The following CHD6 variants were observed in gnomAD, a reference collection of about 807,000 sequenced individuals.
CHD6 encodes the protein chromodomain helicase DNA binding protein 6, also known as ATP-dependent chromatin remodeler CHD6.
In CHD6, 50 loss-of-function variants were observed where a neutral mutation model predicts 276.9. That is an observed-to-expected ratio of 0.18 (90% confidence interval 0.14 to 0.23). The LOEUF (loss-of-function observed/expected upper bound fraction) is 0.23, where lower values mean the gene tolerates loss of function less well. CHD6 is among the 10% of genes least tolerant of loss of function. CHD6 has a pLI of 1.00. For missense variants in CHD6, 2,564 were observed against 3,365.8 expected (o/e 0.76, Z 5.89); for synonymous variants, 1,173 against 1,229.3 (o/e 0.95, Z 0.96).
At chr20:41,460,208 T>C (rs1034646135) in intron 17 of CHD6, among the ~76,000 whole-genome samples, 2 of 152,244 alleles carry the variant, frequency 1.3e-5, no homozygotes, top group Non-Finnish European at 2.9e-5. Flanking sequence ...TTAGGTTCTG[T>C]TAAAAACATT....
At chr20:41,590,001 G>A (rs199938825) in intron 1 of CHD6, among the ~76,000 whole-genome samples, 9 of 148 alleles carry the variant, frequency 0.061, no homozygotes, top group Admixed American at 0.25. Context: ...AGCATGGTAC[G>A]GGTACAAAAC....
Position 41,452,767 on chromosome 20 carries a change from C to T in CHD6, c.3296G>A (p.Arg1099Gln), listed in dbSNP as rs1465002801. The T allele has an allele frequency of 1.9e-6, 3 of 1,613,206 alleles. No individual in the cohort carries two copies. The highest frequency in any genetic ancestry group is 1.1e-5 in the South Asian group (1 of 91,000). ...ARRYLRAECFRVEKNLLIFGW... is the reference protein window; with the variant it reads ...ARRYLRAECFQVEKNLLIFGW... ...AAAGATGAGCAGGTTCTTCTCTACC[C>T]GGAAGCACTCCGCTCGGAGGTAGCG... Residue 1099 changes from arginine to glutamine, a missense_variant, in exon 21 of 37, where the codon CGG becomes CAG. By Grantham distance (43) the Arg-to-Gln change is conservative (BLOSUM62 1). Transcript: ENST00000373233. This position sits in a 1 kb window ranked among gnomAD's most constrained non-coding sequence, Gnocchi z 4.2.
At chr20:41,589,146 G>A (rs1238379277) in intron 1 of CHD6, among the ~76,000 whole-genome samples, 1 of 152,160 alleles carries the variant, frequency 6.6e-6, no homozygotes, top group South Asian at 2.1e-4. Context: ...ATGCAGAAAA[G>A]GTCTTCGACA....
At chr20:41,591,018 T>C (rs1260382265) in intron 1 of CHD6, among the ~76,000 whole-genome samples, 2 of 151,718 alleles carry the variant, frequency 1.3e-5, no homozygotes, top group Non-Finnish European at 2.9e-5. Flanking sequence ...CACCATGGAA[T>C]ACTATGCAGC....
At chr20:41,447,797 AGC>A in intron 24 of CHD6, 83 bp downstream of exon 24, 1 of 930,614 alleles carries the variant, frequency 1.1e-6, no homozygotes, top group Non-Finnish European at 1.7e-6. Flanking sequence ...GGCCTCTTTA[AGC>A]ACAGGCAAGT....
chr20:41,579,643 T>C lies in CHD6; in HGVS notation c.-23-28283A>G, dbSNP rs369599937. On this transcript the variant is annotated intron_variant, in intron 1 of 36. Coordinates refer to ENST00000373233, the MANE Select transcript of CHD6 (RefSeq NM_032221.5). ...TACCTCCTTGTCAGCAGAAATTCTC[T>C]GCACATTCCTATGGAGGTGTGCTTT... Among the ~76,000 whole-genome samples, 221 of 152,248 alleles carry C rather than the reference T, an allele frequency of 1.5e-3. 1 individual carries two copies. In the Middle Eastern group the frequency reaches 0.02, roughly 14 times the overall value.
chr20:41,591,405 CACAT>C (rs1213337049), intron 1 of CHD6, among the ~76,000 whole-genome samples: 1 of 124,904 alleles, frequency 8.0e-6, no homozygotes, highest in Non-Finnish European at 1.7e-5. Flanking sequence ...CACACACACA[CACAT>C]ATATATATAC....
At chr20:41,546,512 C>G (rs982394195) in intron 2 of CHD6, among the ~76,000 whole-genome samples, 1 of 152,292 alleles carries the variant, frequency 6.6e-6, no homozygotes, top group African/African-American at 2.4e-5. Context: ...TTATACATTA[C>G]ATAATATTTA....
chr20:41,460,500 G>A (rs989657632), intron 17 of CHD6, among the ~76,000 whole-genome samples: 4 of 152,188 alleles, frequency 2.6e-5, no homozygotes, highest in Admixed American at 2.6e-4. Context: ...GCAGCCTAGG[G>A]ACTTGTTGCC....
At chr20:41,416,538 A>C in intron 33 of CHD6, 50 bp downstream of exon 33, 1 of 1,521,154 alleles carries the variant, frequency 6.6e-7, no homozygotes, top group Non-Finnish European at 9.0e-7. Context: ...GAGACGTGGA[A>C]CACGCCCACC....
intron 31 of CHD6, among the ~76,000 whole-genome samples, chr20:41,418,391 G>A (rs1279523092): frequency 6.6e-6 from 1 of 152,168 alleles, no homozygotes; most frequent in Non-Finnish European, 1.5e-5. Flanking sequence ...TGAAGATGAG[G>A]AGGCAACAGG....
chr20:41,508,408 CTG>C (rs1456897521), intron 5 of CHD6, among the ~76,000 whole-genome samples: 1 of 152,176 alleles, frequency 6.6e-6, no homozygotes, highest in East Asian at 1.9e-4. Flanking sequence ...GAGCAGGAGA[CTG>C]AGAAATACCA....
chr20:41,456,102 G>A (rs2048370552), intron 18 of CHD6, 123 bp from the exon 19 acceptor site: 6 of 906,510 alleles, frequency 6.6e-6, no homozygotes, highest in Admixed American at 3.0e-5. Context: ...AACAAAGGAC[G>A]TGGGCAACAA....
chr20:41,504,457 G>GA (rs1032582882), intron 5 of CHD6, among the ~76,000 whole-genome samples: 2 of 143,358 alleles, frequency 1.4e-5, no homozygotes, highest in African/African-American at 2.6e-5. Flanking sequence ...ACCCAGGCTG[G>GA]AAAGTGCAGT....
At chr20:41,406,712 C>T (rs6124343) in intron 36 of CHD6, among the ~76,000 whole-genome samples, 1 of 152,226 alleles carries the variant, frequency 6.6e-6, no homozygotes, top group African/African-American at 2.4e-5. Flanking sequence ...GACTTAGTGC[C>T]GCAGTCCCTG....
intron 1 of CHD6, among the ~76,000 whole-genome samples, chr20:41,575,366 G>A (rs529238742): frequency 1.1e-4 from 17 of 152,074 alleles, no homozygotes; most frequent in East Asian, 1.9e-4. Context: ...ACCCTCTACC[G>A]GTAACAATAA....
rs753184838 is a variant in CHD6, at chr20:41,415,506, T to C, written c.6619A>G (p.Ile2207Val). Residue 2207 changes from isoleucine (I) to valine (V), a missense_variant, in exon 34 of 37, where the codon ATC (isoleucine) becomes GTC (valine). Ile to Val is a conservative substitution (Grantham distance 29). Transcript: ENST00000373233. Reference sequence around the variant, plus strand: ...GACTCCCCATGCCAGCCATTGAGGATGATAGGGGTGTGCCCGTGGGTGGCA... The same window carrying C: ...GACTCCCCATGCCAGCCATTGAGGACGATAGGGGTGTGCCCGTGGGTGGCA... ...FSATHGHTPI[I>V]LNGWHGESAM... is the part of the protein sequence containing the mutation. 1 of 1,614,008 alleles carries C rather than the reference T, an allele frequency of 6.2e-7. No homozygotes were observed. The highest frequency in any genetic ancestry group is 8.5e-7 in the Non-Finnish European group (1 of 1,179,964).
intron 7 of CHD6, chr20:41,497,778 C>T: frequency 2.1e-6 from 1 of 484,298 alleles, no homozygotes. Flanking sequence ...ATCATTAACA[C>T]ACATTAGTGA....
At chr20:41,474,720 G>C (rs1248265818) in intron 16 of CHD6, among the ~76,000 whole-genome samples, 1 of 152,144 alleles carries the variant, frequency 6.6e-6, no homozygotes, top group Admixed American at 6.5e-5. Flanking sequence ...TTCTGTGTGA[G>C]GATGGCTTTG....
Sources: allele counts gnomAD v4.1 joint callset (sites outside exome capture counted in the v4.1 genomes callset), GRCh38; gene constraint gnomAD v4.1.1; non-coding constraint Gnocchi (gnomAD v3.1); transcripts MANE v1.5; gene names NCBI Gene and HGNC (gene_info 2026-07-23, HGNC 2026-07-21).